The following SIPA1L3 variants were observed in gnomAD, a reference collection of about 807,000 sequenced individuals.
SIPA1L3 encodes the protein signal induced proliferation associated 1 like 3.
Under a neutral mutation model 150.1 loss-of-function variants are expected in SIPA1L3, and 59 were observed. The ratio of observed to expected loss-of-function variants is 0.39; its 90% CI spans 0.32 to 0.49. SIPA1L3 has a LOEUF of 0.49. Ranked by LOEUF, SIPA1L3 falls within the 20% of genes least tolerant of loss-of-function variation. SIPA1L3 has a pLI of 0.86. For missense variants in SIPA1L3, 2,211 were observed against 2,489.5 expected (o/e 0.89, Z 2.38); for synonymous variants, 1,070 against 1,077.6 (o/e 0.99, Z 0.14).
At chr19:38,030,918 G>A (rs920621777) in intron 2 of SIPA1L3, among the ~76,000 whole-genome samples, 4 of 152,014 alleles carry the variant, frequency 2.6e-5, no homozygotes, top group Non-Finnish European at 5.9e-5. Context: ...GAGGATTGTG[G>A]CATTCAGACC....
intron 1 of SIPA1L3, among the ~76,000 whole-genome samples, chr19:37,947,634 A>G (rs1173677338): frequency 6.6e-6 from 1 of 152,194 alleles, no homozygotes; most frequent in African/African-American, 2.4e-5. Flanking sequence ...TTACCTTTCT[A>G]GTCTCCTGCC....
chr19:38,148,562 C>G (rs1600136720), intron 12 of SIPA1L3, among the ~76,000 whole-genome samples: 1 of 152,130 alleles, frequency 6.6e-6, no homozygotes, highest in Non-Finnish European at 1.5e-5. Context: ...ATCATCTGAC[C>G]GTCATTTTGC....
intron 9 of SIPA1L3, among the ~76,000 whole-genome samples, chr19:38,123,712 C>T (rs1253802629): frequency 6.6e-6 from 1 of 152,132 alleles, no homozygotes; most frequent in African/African-American, 2.4e-5. Flanking sequence ...CTTTTCCCCA[C>T]CTTTCCCCCC....
At chr19:38,000,988 A>ATG (rs1967791372) in intron 1 of SIPA1L3, among the ~76,000 whole-genome samples, 1 of 148,778 alleles carries the variant, frequency 6.7e-6, no homozygotes. Context: ...TAACACACAT[A>ATG]TATATAACAC....
intron 1 of SIPA1L3, among the ~76,000 whole-genome samples, chr19:38,017,762 C>T (rs963956968): frequency 3.4e-4 from 51 of 152,088 alleles, no homozygotes; most frequent in African/African-American, 1.2e-3. Context: ...AATTCCTGGG[C>T]TAAAGCAATC....
intron 1 of SIPA1L3, among the ~76,000 whole-genome samples, chr19:38,009,650 G>A (rs972997413): frequency 6.6e-6 from 1 of 152,044 alleles, no homozygotes; most frequent in African/African-American, 2.4e-5. Flanking sequence ...TTACTGATGA[G>A]GAGGCTTGGG....
chr19:37,924,677 CAAA>C (rs762052136), intron 1 of SIPA1L3, among the ~76,000 whole-genome samples: 5 of 100,602 alleles, frequency 5.0e-5, no homozygotes, highest in Admixed American at 1.1e-4. Context: ...GACTCTATCT[CAAA>C]AAAAAAAAAA....
At chr19:38,043,207 G>T (rs951629933) in intron 2 of SIPA1L3, among the ~76,000 whole-genome samples, 18 of 152,168 alleles carry the variant, frequency 1.2e-4, no homozygotes, top group Non-Finnish European at 2.1e-4. Flanking sequence ...AGGCATGGTG[G>T]TGCATACCTG....
At chr19:38,192,409 CA>C (rs1649736793) in intron 17 of SIPA1L3, 99 bp downstream of exon 17, 1 of 1,145,490 alleles carries the variant, frequency 8.7e-7, no homozygotes, top group African/African-American at 1.6e-5. Context: ...ACGGTCACGC[CA>C]GCTCCTTCCC....
At chr19:37,934,672 C>G (rs2046584873) in intron 1 of SIPA1L3, among the ~76,000 whole-genome samples, 2 of 136,328 alleles carry the variant, frequency 1.5e-5, no homozygotes, top group African/African-American at 2.6e-5. Context: ...CACCCCCGAC[C>G]CTGGTTCCAC....
intron 1 of SIPA1L3, among the ~76,000 whole-genome samples, chr19:38,001,016 A>G (rs974244598): frequency 3.3e-5 from 5 of 149,958 alleles, no homozygotes; most frequent in Non-Finnish European, 7.4e-5. Context: ...ATATACACAT[A>G]TATATCACAC....
chr19:38,031,440 A>G (rs1377859283), intron 2 of SIPA1L3, among the ~76,000 whole-genome samples: 3 of 152,174 alleles, frequency 2.0e-5, no homozygotes, highest in Non-Finnish European at 4.4e-5. Flanking sequence ...CTAGCCTTTC[A>G]TGACCCAGAC....
intron 2 of SIPA1L3, among the ~76,000 whole-genome samples, chr19:38,036,442 C>T (rs985690639): frequency 4.6e-5 from 7 of 152,216 alleles, no homozygotes; most frequent in African/African-American, 7.2e-5. Context: ...GAGGGCTGCC[C>T]AGGCAGGCCC....
intron 3 of SIPA1L3, among the ~76,000 whole-genome samples, chr19:38,085,534 A>T (rs373548806): frequency 6.6e-5 from 10 of 152,142 alleles, no homozygotes; most frequent in African/African-American, 2.4e-4. Context: ...GGAAAAAGCC[A>T]ATGAGGCAAT....
chr19:38,004,993 G>T (rs1229821642), intron 1 of SIPA1L3, among the ~76,000 whole-genome samples: 1 of 152,070 alleles, frequency 6.6e-6, no homozygotes, highest in Non-Finnish European at 1.5e-5. Flanking sequence ...CTCTCAGCCC[G>T]AGTCCAAAAC....
Position 38,046,255 on chromosome 19 carries a change from C to G in SIPA1L3, c.-311+17099C>G, listed in dbSNP as rs916287613. 2.0e-5 allele frequency among the ~76,000 whole-genome samples: 3 copies of G among 152,124 alleles called. No homozygotes were observed. The highest frequency in any genetic ancestry group is 7.2e-5 in the African/African-American group (3 of 41,430). ...GCCCGAGAAACAGGTCACAGCAGCCCCGCCTCCTCCATAGACCTCCAGGCC... is the reference window on the plus strand; with the variant it reads ...GCCCGAGAAACAGGTCACAGCAGCCGCGCCTCCTCCATAGACCTCCAGGCC... On this transcript the variant is annotated intron_variant, in intron 2 of 21. Coordinates refer to ENST00000222345, the MANE Select transcript of SIPA1L3 (RefSeq NM_015073.3). The surrounding 1 kb of genome is among the most constrained non-coding windows in gnomAD (Gnocchi z 5.6).
At chr19:38,204,321 T>A in intron 21 of SIPA1L3, 113 bp downstream of exon 21, 1 of 762,134 alleles carries the variant, frequency 1.3e-6, no homozygotes, top group Non-Finnish European at 2.2e-6. Context: ...CCCCCACACC[T>A]CCTGTGTTTG....
chr19:37,969,131 G>A (rs938452612), intron 1 of SIPA1L3, among the ~76,000 whole-genome samples: 1 of 152,142 alleles, frequency 6.6e-6, no homozygotes, highest in African/African-American at 2.4e-5. Flanking sequence ...CTACTAGGGA[G>A]GCTGTGGTGA....
At chr19:38,136,463 G>A (rs180847185) in intron 10 of SIPA1L3, among the ~76,000 whole-genome samples, 15 of 152,118 alleles carry the variant, frequency 9.9e-5, no homozygotes, top group African/African-American at 2.9e-4. Flanking sequence ...ATGTAGCCGG[G>A]CATGGTGGCA....
Sources: gnomAD v4.1 joint callset for allele counts (sites outside exome capture counted in the v4.1 genomes callset) on GRCh38, gnomAD v4.1.1 for gene constraint, Gnocchi (gnomAD v3.1) non-coding constraint, MANE v1.5 for transcripts, NCBI Gene and HGNC (gene_info 2026-07-23, HGNC 2026-07-21) for gene names.